Variants in SNX1 observed in about 807,000 individuals in gnomAD.
SNX1 encodes the protein sorting nexin-1.
SNX1 carries 36 observed loss-of-function variants against 71.8 expected under a neutral mutation model. That is an observed-to-expected ratio of 0.50 (90% CI 0.38 to 0.66). SNX1 has a LOEUF of 0.66. SNX1 is among the 30% of genes least tolerant of loss of function. The pLI, the probability that SNX1 is intolerant of heterozygous loss-of-function variation, is 0.00. For synonymous variants in SNX1, 254 were observed against 240.7 expected, an observed-to-expected ratio of 1.06 and a Z score of -0.51; for missense variants, 612 against 646.7, an observed-to-expected ratio of 0.95 and a Z score of 0.58.
In SNX1 at chr15:64,138,105, A is replaced by G; in HGVS notation, c.*487A>G. ...AACCAAGAAGTTGCCCAGGTATAGTAAGTTTTTCTCTACCGTTCACAAGTT... is the reference window on the plus strand; with the variant it reads ...AACCAAGAAGTTGCCCAGGTATAGTGAGTTTTTCTCTACCGTTCACAAGTT... On this transcript the variant is annotated 3_prime_UTR_variant, in exon 15 of 15. Transcript: ENST00000559844. 1 of 1,535,864 alleles carries G rather than the reference A, an allele frequency of 6.5e-7. No individual in the cohort carries two copies. The highest frequency in any genetic ancestry group is 1.2e-5 in the South Asian group (1 of 84,036).
chr15:64,104,902 A>T (rs1456299393), intron 1 of SNX1, among the ~76,000 whole-genome samples: 1 of 145,030 alleles, frequency 6.9e-6, no homozygotes, highest in Non-Finnish European at 1.5e-5. Context: ...AAAAAAAAAA[A>T]AGATGGCTAA....
intron 5 of SNX1, among the ~76,000 whole-genome samples, chr15:64,124,525 A>T (rs1228710142): frequency 2.0e-5 from 3 of 151,558 alleles, no homozygotes; most frequent in East Asian, 1.9e-4. Context: ...AAAAAAAAAA[A>T]TAGTATCATG....
chr15:64,134,671 T>C lies in SNX1; in HGVS notation c.1229T>C (p.Phe410Ser). 2 of 1,611,384 alleles carry C rather than the reference T, an allele frequency of 1.2e-6. No individual in the cohort carries two copies. Among genetic ancestry groups the C allele is most frequent in the East Asian group, 2.2e-5 (1 of 44,832 alleles). The change falls in exon 12 of 15, where the codon TTC becomes TCC. Residue 410 changes from phenylalanine to serine, a missense_variant. This residue lies in a region of SNX1 where 296 missense variants were observed against 361.9 expected (regional missense o/e 0.82). Transcript: ENST00000559844. This position sits in a 1 kb window ranked among gnomAD's most constrained non-coding sequence, Gnocchi z 4.1. ...TCAACCCCACCCCCACAGGCTGCCT[T>C]CGACCAGCGCATGAAGACATGGCAG... ...IRLLAIVRAA[F>S]DQRMKTWQRW...
At chr15:64,113,859 A>G (rs956561684) in intron 2 of SNX1, among the ~76,000 whole-genome samples, 3 of 151,512 alleles carry the variant, frequency 2.0e-5, no homozygotes, top group African/African-American at 7.3e-5. Context: ...GAGAGAGAGA[A>G]AGAAAGTGAT....
chr15:64,112,679 T>C lies in SNX1; in HGVS notation c.266T>C (p.Phe89Ser). The C allele has an allele frequency of 4.3e-6, 7 of 1,609,872 alleles. No individual in the cohort carries two copies. Among genetic ancestry groups the C allele is most frequent in the Middle Eastern group, 3.3e-4 (2 of 6,050 alleles). Reference sequence around the variant, plus strand: ...CAAGACCAAGAGCCACAGGATCTCTTTGCAGGCAAGTTTGGACTCAAAAGT... The same window carrying C: ...CAAGACCAAGAGCCACAGGATCTCTCTGCAGGCAAGTTTGGACTCAAAAGT... ...EEQDQEPQDLFADATVELSLD... is the reference protein window; with the variant it reads ...EEQDQEPQDLSADATVELSLD... Residue 89 changes from phenylalanine to serine, a missense_variant, in exon 2 of 15, where the codon TTT (phenylalanine) becomes TCT (serine). Phe to Ser is a radical substitution (Grantham distance 155, BLOSUM62 -2). Around this residue, in one of 2 missense-constraint regions of SNX1, gnomAD observed 316 missense variants for 284.9 expected, o/e 1.11. Coordinates refer to ENST00000559844, the MANE Select transcript of SNX1 (RefSeq NM_003099.5).
At chr15:64,128,889 A>G (rs2081279323) in intron 8 of SNX1, among the ~76,000 whole-genome samples, 1 of 152,016 alleles carries the variant, frequency 6.6e-6, no homozygotes. Flanking sequence ...CCCAGTTATA[A>G]CAACCACAAT....
At chr15:64,135,061 C>G (rs1038366330) in intron 12 of SNX1, 1 of 461,926 alleles carries the variant, frequency 2.2e-6, no homozygotes, top group African/African-American at 2.0e-5. Context: ...CGCCTGTAAT[C>G]CTAGCACTTT....
At chr15:64,096,322 C>G (rs1036343409) in intron 1 of SNX1, 150 bp downstream of exon 1, 23 of 956,996 alleles carry the variant, frequency 2.4e-5, no homozygotes, top group Non-Finnish European at 3.1e-5. Context: ...TGGATGTGCT[C>G]GAAGCGGTAG....
At position 64,134,909 on chromosome 15, in the gene SNX1, G is replaced by A. The variant is rs1031319081; in HGVS notation, c.1365+102G>A. ...TTTGGAACCCCACAGGGGGAAGAGC[G>A]CTGATTGAGTCTAAAGGGCCGTGGC... On this transcript the variant is annotated intron_variant, in intron 12 of 14. Transcript: ENST00000559844. This position sits in a 1 kb window ranked among gnomAD's most constrained non-coding sequence, Gnocchi z 4.1. 20 of 1,457,368 alleles carry A rather than the reference G, an allele frequency of 1.4e-5. No homozygotes were observed. The African/African-American group carries it at 1.5e-4, about 11-fold the overall frequency. The allele number at this position is 1,457,368 out of a possible 1,614,324, so 90.3% of individuals were successfully genotyped here.
At chr15:64,098,882 AT>A (rs914983306) in intron 1 of SNX1, among the ~76,000 whole-genome samples, 4 of 152,052 alleles carry the variant, frequency 2.6e-5, no homozygotes, top group African/African-American at 9.7e-5. Flanking sequence ...AAGCATAATT[AT>A]TTTTATTTAG....
chr15:64,136,738 G>A (rs191519281), intron 13 of SNX1, 123 bp from the exon 14 acceptor site: 3 of 708,896 alleles, frequency 4.2e-6, no homozygotes, highest in Admixed American at 5.0e-5. Flanking sequence ...GGAAATTACA[G>A]CTGTTCCACC....
intron 1 of SNX1, among the ~76,000 whole-genome samples, chr15:64,108,528 T>C (rs1046363581): frequency 2.0e-5 from 3 of 152,200 alleles, no homozygotes; most frequent in Non-Finnish European, 4.4e-5. Flanking sequence ...CGTGAGTCCA[T>C]TTCTTCTTTA....
intron 7 of SNX1, 82 bp from the exon 8 acceptor site, chr15:64,127,648 TG>T: frequency 1.1e-6 from 1 of 944,104 alleles, no homozygotes; most frequent in Non-Finnish European, 1.7e-6. Flanking sequence ...ACAGAAGACA[TG>T]GTATCACTGC....
At chr15:64,117,409 A>G (rs2081141141) in intron 2 of SNX1, among the ~76,000 whole-genome samples, 1 of 151,854 alleles carries the variant, frequency 6.6e-6, no homozygotes, top group Non-Finnish European at 1.5e-5. Context: ...TCAGGCCACC[A>G]CACCTGGCTA....
chr15:64,101,588 A>G (rs1338044563), intron 1 of SNX1, among the ~76,000 whole-genome samples: 3 of 152,326 alleles, frequency 2.0e-5, no homozygotes, highest in South Asian at 2.1e-4. Context: ...CATCTCCTCA[A>G]AATCCTGCTT....
Position 64,142,956 on chromosome 15 carries a change from C to T in SNX1, c.*5338C>T, listed in dbSNP as rs2140169535. 1 of 282,398 alleles carries T rather than the reference C, an allele frequency of 3.5e-6. No homozygotes were observed. Among genetic ancestry groups the T allele is most frequent in the East Asian group, 1.0e-4 (1 of 9,828 alleles). 17.5% of individuals were successfully genotyped at this position (282,398 alleles called of 1,614,324 possible). A position where few individuals can be genotyped will look rare whatever the true frequency, so the allele number is the denominator to read the frequency against. On this transcript the variant is annotated 3_prime_UTR_variant, in exon 15 of 15. Coordinates refer to ENST00000559844, the MANE Select transcript of SNX1 (RefSeq NM_003099.5). ...AAAAAGGGGAGGAACTCCTGGAAATCTCAGGATGGGGCCAAGATGTGGCTG... is the reference window on the plus strand; with the variant it reads ...AAAAAGGGGAGGAACTCCTGGAAATTTCAGGATGGGGCCAAGATGTGGCTG...
At chr15:64,135,698 G>T (rs2081352128) in intron 12 of SNX1, among the ~76,000 whole-genome samples, 1 of 148,632 alleles carries the variant, frequency 6.7e-6, no homozygotes, top group Non-Finnish European at 1.5e-5. Context: ...GGCGAAGGTT[G>T]CAGTGAGCTG....
chr15:64,105,303 ATTGT>A (rs1485153280), intron 1 of SNX1, among the ~76,000 whole-genome samples: 4 of 151,992 alleles, frequency 2.6e-5, no homozygotes, highest in African/African-American at 9.7e-5. Context: ...TTGCCAACCC[ATTGT>A]TTACTTAGGT....
chr15:64,135,153 C>T (rs1211992928), intron 12 of SNX1, among the ~76,000 whole-genome samples: 1 of 151,854 alleles, frequency 6.6e-6, no homozygotes, highest in South Asian at 2.1e-4. Context: ...GAGTCTCGCT[C>T]TGTCAACAGG....
Sources: allele counts gnomAD v4.1 joint callset (sites outside exome capture counted in the v4.1 genomes callset), GRCh38; gene constraint gnomAD v4.1.1; regional missense constraint gnomAD v4.1.1; non-coding constraint Gnocchi (gnomAD v3.1); transcripts MANE v1.5; gene names NCBI Gene and HGNC (gene_info 2026-07-23, HGNC 2026-07-21).